The following ABR variants were observed in gnomAD, a reference collection of about 807,000 sequenced individuals.
ABR encodes the protein ABR activator of RhoGEF and GTPase.
ABR carries 35 observed loss-of-function variants against 107.2 expected under a neutral mutation model. The observed-to-expected ratio is 0.33, with a 90% confidence interval of 0.25 to 0.43. ABR has a LOEUF of 0.43. ABR is among the 20% of genes least tolerant of loss of function. ABR has a pLI of 1.00. For missense variants in ABR, 815 were observed against 1,115.2 expected, an observed-to-expected ratio of 0.73 and a Z score of 3.83; for synonymous variants, 498 against 462.0, an observed-to-expected ratio of 1.08 and a Z score of -1.00.
chr17:1,087,658 C>T (rs1050449956), intron 4 of ABR, among the ~76,000 whole-genome samples: 3 of 152,042 alleles, frequency 2.0e-5, no homozygotes, highest in Non-Finnish European at 4.4e-5. Flanking sequence ...CCATCAATGC[C>T]CACGCTACAC....
In ABR at chr17:1,010,111, CA is replaced by C. The variant is rs1469147611; in HGVS notation, c.2237-328del. 1.5e-5 allele frequency: 6 copies of C among 407,942 alleles called. No individual in the cohort carries two copies. Among genetic ancestry groups the C allele is most frequent in the African/African-American group, 1.2e-4 (6 of 50,546 alleles). The allele number at this position is 407,942 out of a possible 1,614,324, so 25.3% of individuals were successfully genotyped here. Reference sequence around the variant, plus strand: ...CTGGTCTGTGTGGCTAAGGTTAAGCCAGTAGGGACATATCCTGCCAGCGGTG... The same window carrying C: ...CTGGTCTGTGTGGCTAAGGTTAAGCCGTAGGGACATATCCTGCCAGCGGTG... On this transcript the variant is annotated intron_variant, in intron 20 of 22. Coordinates refer to ENST00000302538, the MANE Select transcript of ABR (RefSeq NM_021962.5). This position sits in a 1 kb window ranked among gnomAD's most constrained non-coding sequence, Gnocchi z 4.1.
chr17:1,085,135 T>C lies in ABR; in HGVS notation c.532-1508A>G, dbSNP rs575011026. On this transcript the variant is annotated intron_variant, in intron 4 of 22. Transcript: ENST00000302538. ...CTTTTTTTTTTTTTTTTTTTTGAGA[T>C]GGAGTCTCGCTCTGTCACCCAGGCT... is the stretch of plus-strand genomic sequence containing the variant. Among the ~76,000 whole-genome samples the C allele has an allele frequency of 3.0e-3, 347 of 115,976 alleles. 2 individuals carry two copies. Among genetic ancestry groups the C allele is most frequent in the Non-Finnish European group, 5.0e-3 (284 of 57,034 alleles). 76.1% of individuals were successfully genotyped at this position (115,976 alleles called of 152,430 possible).
At chr17:1,031,525 G>GGC in intron 16 of ABR, 1 of 282,882 alleles carries the variant, frequency 3.5e-6, no homozygotes, top group Non-Finnish European at 6.1e-6. Context: ...AGCCCCCGCA[G>GGC]CCCCCGCAGC....
At chr17:1,041,966 C>G (rs765893306) in intron 16 of ABR, among the ~76,000 whole-genome samples, 2 of 152,226 alleles carry the variant, frequency 1.3e-5, no homozygotes, top group Middle Eastern at 3.4e-3. Flanking sequence ...CTGTGTGCTT[C>G]AACTACAGGA....
At chr17:1,217,627 T>C (rs560009573) in intron 1 of ABR, among the ~76,000 whole-genome samples, 2 of 152,352 alleles carry the variant, frequency 1.3e-5, no homozygotes, top group South Asian at 2.1e-4. Context: ...CAAGGTCACA[T>C]AGCAGTTAAG....
intron 16 of ABR, among the ~76,000 whole-genome samples, chr17:1,025,416 A>G (rs2072113713): frequency 1.3e-5 from 2 of 152,254 alleles, no homozygotes; most frequent in South Asian, 4.1e-4. Flanking sequence ...GATGCCTCGT[A>G]CAGTACGTGT....
At chr17:1,113,008 G>GTTAACGCCTGACCCAATCAGCAAGCAT (rs1567779661) in intron 2 of ABR, among the ~76,000 whole-genome samples, 20 of 133,710 alleles carry the variant, frequency 1.5e-4, no homozygotes, top group African/African-American at 3.0e-4. Flanking sequence ...TCAGCAAGCA[G>GTTAACGCCTGACCCAATCAGCAAGCAT]TTGTTAACCG....
At position 1,222,377 on chromosome 17, in the gene ABR, C is replaced by G. The variant is rs202140311; in HGVS notation, c.838+6416G>C. On this transcript the variant is annotated intron_variant, in intron 1 of 22. Coordinates refer to the ABR transcript ENST00000574139. ...AGCCACCGCGCCCGGCCTCAAATGGCTTCTTAATATCTCTTCACAATAGGG... is the reference window on the plus strand; with the variant it reads ...AGCCACCGCGCCCGGCCTCAAATGGGTTCTTAATATCTCTTCACAATAGGG... Among the ~76,000 whole-genome samples the G allele has an allele frequency of 3.3e-5, 5 of 152,052 alleles. No homozygotes were observed. In the East Asian group the frequency reaches 9.6e-4, roughly 29 times the overall value.
chr17:1,031,603 T>A, intron 16 of ABR: 1 of 1,190,624 alleles, frequency 8.4e-7, no homozygotes, highest in Non-Finnish European at 1.0e-6. Context: ...GGCACCTTGT[T>A]TCGGAGCAGC....
intron 1 of ABR, among the ~76,000 whole-genome samples, chr17:1,223,834 C>T (rs970526027): frequency 6.6e-6 from 1 of 152,138 alleles, no homozygotes; most frequent in African/African-American, 2.4e-5. Flanking sequence ...CATGAGAACT[C>T]CCCTCGTGAT....
Position 1,011,923 on chromosome 17 carries a change from C to G in ABR, c.2024G>C (p.Gly675Ala). 2.5e-6 allele frequency: 4 copies of G among 1,612,938 alleles called. No individual in the cohort carries two copies. The highest frequency in any genetic ancestry group is 3.4e-6 in the Non-Finnish European group (4 of 1,179,144). Reference protein sequence around the residue: ...RQCVEEVEKRGIEEVGIYRIS... With the variant: ...RQCVEEVEKRAIEEVGIYRIS... ...CCTGTAGATGCCAACCTCCTCGATA[C>G]CCCTCTTCTCCACCTCCTCCACACA... Residue 675 changes from glycine (G) to alanine (A), a missense_variant, in exon 19 of 23, where the codon GGT becomes GCT. Around this residue, in one of 5 missense-constraint regions of ABR, gnomAD observed 175 missense variants for 284.3 expected, o/e 0.62. Coordinates refer to ENST00000302538, the MANE Select transcript of ABR (RefSeq NM_021962.5). This position sits in a 1 kb window ranked among gnomAD's most constrained non-coding sequence, Gnocchi z 4.8.
intron 2 of ABR, among the ~76,000 whole-genome samples, chr17:1,105,331 C>A (rs912592200): frequency 1.3e-5 from 2 of 151,974 alleles, no homozygotes; most frequent in Admixed American, 1.3e-4. Context: ...AGCAGTCTTA[C>A]CCTACACGTA....
At position 1,078,731 on chromosome 17, in the gene ABR, T is replaced by C. The variant is rs1271812548; in HGVS notation, c.700+599A>G. ...CCTCCTTCCCTGCGGCCCTCTAACC[T>C]CCCCGGCCACATCTAAGCCCACTCC... On this transcript the variant is annotated intron_variant, in intron 6 of 22. Coordinates refer to ENST00000302538, the MANE Select transcript of ABR (RefSeq NM_021962.5). The surrounding 1 kb of genome is among the most constrained non-coding windows in gnomAD (Gnocchi z 7.5). The C allele has an allele frequency of 7.0e-6, 10 of 1,427,934 alleles. No homozygotes were observed. Among genetic ancestry groups the C allele is most frequent in the Non-Finnish European group, 2.8e-6 (3 of 1,056,116 alleles). 88.5% of individuals were successfully genotyped at this position (1,427,934 alleles called of 1,614,324 possible). A position where few individuals can be genotyped will look rare whatever the true frequency, so the allele number is the denominator to read the frequency against.
intron 16 of ABR, among the ~76,000 whole-genome samples, chr17:1,014,051 A>T (rs1002005987): frequency 6.6e-6 from 1 of 152,240 alleles, no homozygotes; most frequent in African/African-American, 2.4e-5. Context: ...TCATGTCAAT[A>T]TTGCCATCCT....
chr17:1,060,198 G>A (rs1442211016), intron 10 of ABR, among the ~76,000 whole-genome samples: 3 of 152,110 alleles, frequency 2.0e-5, no homozygotes, highest in African/African-American at 7.2e-5. Context: ...ATCGTTTGAG[G>A]TCAGGAGTTC....
intron 1 of ABR, among the ~76,000 whole-genome samples, chr17:1,147,650 G>A (rs1003282669): frequency 3.9e-5 from 6 of 151,972 alleles, no homozygotes; most frequent in South Asian, 2.1e-4. Context: ...GAGCTACCAC[G>A]CCCGGCCTTC....
chr17:1,047,932 G>A (rs1340870577), intron 16 of ABR, among the ~76,000 whole-genome samples: 1 of 152,218 alleles, frequency 6.6e-6, no homozygotes, highest in Non-Finnish European at 1.5e-5. Context: ...CCGTGCCCAC[G>A]GGGCTGGCTG....
intron 1 of ABR, among the ~76,000 whole-genome samples, chr17:1,198,287 C>G: frequency 6.6e-6 from 1 of 151,570 alleles, no homozygotes; most frequent in Non-Finnish European, 1.5e-5. Context: ...ACCCCAACGT[C>G]GGTACACGTG....
rs537864289 is a variant in ABR, at chr17:1,133,067, A to AC, written c.62-7701dup. Among the ~76,000 whole-genome samples, 6 of 152,094 alleles carry AC rather than the reference A, an allele frequency of 3.9e-5. 1 individual carries two copies. The South Asian group carries it at 1.2e-3, about 32-fold the overall frequency. On this transcript the variant is annotated intron_variant, in intron 1 of 22. Transcript: ENST00000302538. ...AGACCAGGCTGACCCACACGGAGAA[A>AC]CCCCATCTCTACTAAAATACAAAAT...
Sources: gnomAD v4.1 joint callset for allele counts (sites outside exome capture counted in the v4.1 genomes callset) on GRCh38, gnomAD v4.1.1 for gene constraint, gnomAD v4.1.1 regional missense constraint, Gnocchi (gnomAD v3.1) non-coding constraint, MANE v1.5 for transcripts, NCBI Gene and HGNC (gene_info 2026-07-23, HGNC 2026-07-21) for gene names.